POLR1A: variants seen among roughly 807,000 people sequenced by gnomAD.
The protein encoded by POLR1A is DNA-directed RNA polymerase I subunit RPA1.
In POLR1A, 84 loss-of-function variants were observed where a neutral mutation model predicts 205.3. That is an observed-to-expected ratio of 0.41 (90% CI 0.34 to 0.49). POLR1A has a LOEUF of 0.49. Ranked by LOEUF, POLR1A falls within the 20% of genes least tolerant of loss-of-function variation. The probability of loss-of-function intolerance (pLI) is 0.22; values close to 1 mark genes in which losing one functional copy is unlikely to be tolerated. For missense variants in POLR1A, 1,645 were observed against 2,204.5 expected (o/e 0.75, Z 5.08); for synonymous variants, 799 against 863.7 (o/e 0.93, Z 1.31).
At chr2:86,046,783 T>C (rs183117043) in intron 19 of POLR1A, among the ~76,000 whole-genome samples, 1 of 151,956 alleles carries the variant, frequency 6.6e-6, no homozygotes, top group Non-Finnish European at 1.5e-5. Flanking sequence ...TGAGCCAAGA[T>C]TGCGCCACTG....
chr2:86,034,158 G>C (rs1031315123), intron 27 of POLR1A, among the ~76,000 whole-genome samples: 8 of 152,206 alleles, frequency 5.3e-5, no homozygotes, highest in African/African-American at 1.4e-4. Flanking sequence ...CTCTCACAGC[G>C]CCTGGCAGAG....
chr2:86,035,822 A>G (rs1672483938), intron 27 of POLR1A, among the ~76,000 whole-genome samples: 1 of 152,198 alleles, frequency 6.6e-6, no homozygotes, highest in Non-Finnish European at 1.5e-5. Context: ...CCAGTTGGGG[A>G]TGCCTTCTGC....
At position 86,033,685 on chromosome 2, in the gene POLR1A, G is replaced by T; in HGVS notation, c.4137C>A (p.Asn1379Lys). 6.2e-7 allele frequency: 1 copy of T among 1,613,842 alleles called. No homozygotes were observed. Among genetic ancestry groups the T allele is most frequent in the Non-Finnish European group, 8.5e-7 (1 of 1,180,008 alleles). ...TRRATQRDLD[N>K]AGELGRSRGE... ...CCCGACTCCTCCCCAACTCCCCAGC[G>T]TTGTCCAGATCCCGCTGTGTAGCTC... The change falls in exon 28 of 34, where the codon AAC becomes AAA. Residue 1379 changes from asparagine to lysine, a missense_variant. Around this residue, in one of 16 missense-constraint regions of POLR1A, gnomAD observed 394 missense variants for 468.5 expected, o/e 0.84. Transcript: ENST00000263857.
At chr2:86,092,778 T>C (rs1177182753) in intron 3 of POLR1A, among the ~76,000 whole-genome samples, 3 of 152,230 alleles carry the variant, frequency 2.0e-5, no homozygotes, top group Admixed American at 6.5e-5. Context: ...CGAGCCAAGA[T>C]TGTGCTGCTG....
At chr2:86,061,870 G>A (rs1297413477) in intron 14 of POLR1A, among the ~76,000 whole-genome samples, 1 of 152,132 alleles carries the variant, frequency 6.6e-6, no homozygotes. Context: ...TCTTCTGGGG[G>A]TGCTGGTGAT....
intron 1 of POLR1A, among the ~76,000 whole-genome samples, chr2:86,104,042 A>G (rs1340683001): frequency 6.6e-6 from 1 of 152,238 alleles, no homozygotes. Context: ...TGGTCTGATC[A>G]TGGGAGACTT....
At chr2:86,033,502 C>T (rs1380466152) in intron 28 of POLR1A, among the ~76,000 whole-genome samples, 159 bp downstream of exon 28, 1 of 152,236 alleles carries the variant, frequency 6.6e-6, no homozygotes, top group East Asian at 1.9e-4. Context: ...GAAGTGAATG[C>T]TGCTTCTGGG....
chr2:86,082,681 AAAG>A (rs1432736566), intron 7 of POLR1A, among the ~76,000 whole-genome samples: 1 of 152,250 alleles, frequency 6.6e-6, no homozygotes, highest in East Asian at 1.9e-4. Flanking sequence ...ACTCAAAAGG[AAAG>A]AAGGATTTCC....
intron 28 of POLR1A, 62 bp downstream of exon 28, chr2:86,033,599 G>C (rs1300858185): frequency 1.3e-6 from 2 of 1,577,764 alleles, no homozygotes; most frequent in African/African-American, 2.7e-5. Context: ...AATAGGCACA[G>C]AGCCTGCCCA....
intron 9 of POLR1A, among the ~76,000 whole-genome samples, chr2:86,080,525 C>T (rs999449493): frequency 2.6e-5 from 4 of 152,176 alleles, no homozygotes; most frequent in African/African-American, 9.7e-5. Context: ...CCACAAATCA[C>T]ATGCACTTTA....
intron 12 of POLR1A, among the ~76,000 whole-genome samples, chr2:86,073,469 C>G (rs903422933): frequency 2.0e-5 from 3 of 152,140 alleles, no homozygotes; most frequent in Non-Finnish European, 4.4e-5. Flanking sequence ...AGCAAGAATT[C>G]GCTGCCTTCA....
In POLR1A at chr2:86,088,650, G is replaced by C; in HGVS notation, c.646C>G (p.Arg216Gly). 3 of 1,613,856 alleles carry C rather than the reference G, an allele frequency of 1.9e-6. No homozygotes were observed. Among genetic ancestry groups the C allele is most frequent in the Non-Finnish European group, 2.5e-6 (3 of 1,179,780 alleles). The change falls in exon 6 of 34, where the codon CGA becomes GGA. Residue 216 changes from arginine to glycine, a missense_variant. Physicochemically the swap from Arg to Gly is moderately radical, Grantham distance 125. This residue lies in a region of POLR1A where 330 missense variants were observed against 375.6 expected (regional missense o/e 0.88). Transcript: ENST00000263857. ...PHCKTGRSVV[R>G]KEHNSKLTIT... ...GTCAACTTGCTGTTGTGTTCCTTTC[G>C]GACAACGGATCGCCCGGTCCTGTGC...
At position 86,105,743 on chromosome 2, in the gene POLR1A, G is replaced by T; in HGVS notation, c.34C>A (p.Leu12Met). The T allele has an allele frequency of 6.2e-7, 1 of 1,614,094 alleles. No individual in the cohort carries two copies. The highest frequency in any genetic ancestry group is 8.5e-7 in the Non-Finnish European group (1 of 1,179,906). Residue 12 changes from leucine (L) to methionine (M), a missense_variant, in exon 1 of 34, where the codon CTG (leucine) becomes ATG (methionine). Physicochemically the swap from Leu to Met is conservative, Grantham distance 15. Around this residue, in one of 16 missense-constraint regions of POLR1A, gnomAD observed 330 missense variants for 375.6 expected, o/e 0.88. Coordinates refer to ENST00000263857, the MANE Select transcript of POLR1A (RefSeq NM_015425.6). Reference sequence around the variant, plus strand: ...TACATCCCGAAGGAAATGCCCTGCAGCCGCCGCCAGGGCATGTTCTTGGAG... The same window carrying T: ...TACATCCCGAAGGAAATGCCCTGCATCCGCCGCCAGGGCATGTTCTTGGAG... ...LISKNMPWRR[L>M]QGISFGMYSA...
chr2:86,052,980 C>G lies in POLR1A; in HGVS notation c.2229G>C (p.Glu743Asp). ...CESQVIIREG[E>D]LLCGVLDKAH... is the part of the protein sequence containing the mutation. ...CCTTGTCCAGCACTCCGCAGAGCAG[C>G]TCCCCTTCCCTGATGATCACCTGCA... Residue 743 changes from glutamate (E) to aspartate (D), a missense_variant, in exon 16 of 34, where the codon GAG becomes GAC. Physicochemically the swap from Glu to Asp is conservative, Grantham distance 45. This residue lies in a region of POLR1A where 339 missense variants were observed against 415.1 expected (regional missense o/e 0.82). Transcript: ENST00000263857. The G allele has an allele frequency of 6.3e-7, 1 of 1,586,950 alleles. No homozygotes were observed. Among genetic ancestry groups the G allele is most frequent in the Non-Finnish European group, 8.6e-7 (1 of 1,166,616 alleles).
intron 15 of POLR1A, among the ~76,000 whole-genome samples, chr2:86,053,641 A>C (rs1672845887): frequency 6.6e-6 from 1 of 152,210 alleles, no homozygotes; most frequent in Non-Finnish European, 1.5e-5. Context: ...GGGTGAATGG[A>C]CTGTCCATTA....
In POLR1A at chr2:86,092,228, G is replaced by C. The variant is rs1012832955; in HGVS notation, c.433-2299C>G. On this transcript the variant is annotated intron_variant, in intron 3 of 33. Transcript: ENST00000263857. ...AATTGGTTAGGCTACATCTGGACTG[G>C]AAAGACTACAGCTCTGAGCTTCCCT... 4.6e-5 allele frequency among the ~76,000 whole-genome samples: 7 copies of C among 152,236 alleles called. No individual in the cohort carries two copies. The East Asian group carries it at 1.3e-3, about 29-fold the overall frequency.
chr2:86,038,274 G>A (rs1573804359), intron 27 of POLR1A, among the ~76,000 whole-genome samples: 1 of 152,180 alleles, frequency 6.6e-6, no homozygotes, highest in East Asian at 1.9e-4. Context: ...ATTATTCACA[G>A]AATCTAAATG....
At chr2:86,039,192 A>T in intron 26 of POLR1A, 135 bp downstream of exon 26, 1 of 962,090 alleles carries the variant, frequency 1.0e-6, no homozygotes, top group Non-Finnish European at 1.6e-6. Flanking sequence ...AGCACCTGGC[A>T]GAGACAGCTT....
intron 6 of POLR1A, among the ~76,000 whole-genome samples, chr2:86,085,353 T>C (rs951032948): frequency 6.6e-6 from 1 of 152,228 alleles, no homozygotes; most frequent in African/African-American, 2.4e-5. Context: ...TCAAGGAGTC[T>C]GCATGTTTAA....
Sources: allele counts gnomAD v4.1 joint callset (sites outside exome capture counted in the v4.1 genomes callset), GRCh38; gene constraint gnomAD v4.1.1; regional missense constraint gnomAD v4.1.1; transcripts MANE v1.5; gene names NCBI Gene and HGNC (gene_info 2026-07-23, HGNC 2026-07-21).